Variants in CDYL2 observed in about 807,000 individuals in gnomAD.
The protein encoded by CDYL2 is chromodomain Y like 2, also known as chromodomain Y-like protein 2.
A neutral mutation model predicts 49.4 loss-of-function variants in CDYL2; 23 were observed. The observed-to-expected ratio is 0.47, with a 90% CI of 0.34 to 0.66. CDYL2 has a LOEUF of 0.66. Ranked by LOEUF, CDYL2 falls within the 30% of genes least tolerant of loss-of-function variation. The pLI, the probability that CDYL2 is intolerant of heterozygous loss-of-function variation, is 0.01. For synonymous variants in CDYL2, 360 were observed against 268.8 expected (o/e 1.34, Z -3.32); for missense variants, 678 against 656.4 (o/e 1.03, Z -0.36).
At chr16:80,744,193 A>G (rs369585598) in intron 1 of CDYL2, among the ~76,000 whole-genome samples, 4 of 152,362 alleles carry the variant, frequency 2.6e-5, no homozygotes, top group African/African-American at 9.6e-5. Flanking sequence ...TTCTAAGTCC[A>G]GAGACGCAGA....
At chr16:80,769,393 C>T (rs930109284) in intron 1 of CDYL2, among the ~76,000 whole-genome samples, 1 of 152,230 alleles carries the variant, frequency 6.6e-6, no homozygotes, top group Non-Finnish European at 1.5e-5. Context: ...TAAAGCTTAA[C>T]AAGCATTGTC....
intron 1 of CDYL2, among the ~76,000 whole-genome samples, chr16:80,695,740 A>T (rs1157195431): frequency 2.0e-5 from 3 of 152,218 alleles, no homozygotes; most frequent in African/African-American, 4.8e-5. Context: ...ACACAGGAGC[A>T]CCCAGATACA....
intron 2 of CDYL2, among the ~76,000 whole-genome samples, chr16:80,660,257 A>T (rs774628124): frequency 2.6e-5 from 4 of 152,048 alleles, no homozygotes; most frequent in Non-Finnish European, 5.9e-5. Context: ...ATTTTAGTAA[A>T]TGTAATTACT....
chr16:80,623,729 T>C (rs1329011167), intron 3 of CDYL2, among the ~76,000 whole-genome samples: 1 of 152,190 alleles, frequency 6.6e-6, no homozygotes. Flanking sequence ...ACAGTCACTG[T>C]GAGAAGTTTG....
At chr16:80,652,084 T>C (rs138309785) in intron 2 of CDYL2, among the ~76,000 whole-genome samples, 362 of 152,322 alleles carry the variant, frequency 2.4e-3, no homozygotes, top group African/African-American at 4.6e-3. Flanking sequence ...CCCATGTGTA[T>C]TGCCATGCTC....
At chr16:80,782,341 A>C (rs944105955) in intron 1 of CDYL2, among the ~76,000 whole-genome samples, 1 of 151,952 alleles carries the variant, frequency 6.6e-6, no homozygotes, top group African/African-American at 2.4e-5. Context: ...AGATTGAATC[A>C]GTAATCAAAA....
intron 5 of CDYL2, among the ~76,000 whole-genome samples, chr16:80,610,188 G>C (rs962280220): frequency 1.3e-5 from 2 of 152,202 alleles, no homozygotes; most frequent in Admixed American, 1.3e-4. Flanking sequence ...CAGGACTTGA[G>C]AGATGAGAAG....
intron 1 of CDYL2, among the ~76,000 whole-genome samples, chr16:80,758,523 C>G (rs1369770156): frequency 6.8e-6 from 1 of 147,754 alleles, no homozygotes; most frequent in African/African-American, 2.5e-5. Context: ...CACATAAATA[C>G]AGAAGTTTGC....
intron 1 of CDYL2, among the ~76,000 whole-genome samples, chr16:80,749,894 T>C (rs62048562): frequency 0.13 from 19,459 of 152,198 alleles, 1,564 homozygotes; most frequent in South Asian, 0.24. Context: ...CACCATGGAA[T>C]ACTATGCAAC....
In CDYL2 at chr16:80,665,505, TAAAA is replaced by T. The variant is rs35248259; in HGVS notation, c.616+19029_616+19032del. On this transcript the variant is annotated intron_variant, in intron 2 of 6. Coordinates refer to ENST00000570137, the MANE Select transcript of CDYL2 (RefSeq NM_152342.4). Reference sequence around the variant, plus strand: ...AAAAAGTAATTGAGGTTTTTGCCATTAAAAAAAAAAAAAAAAAAAAATAGCAAAA... The same window carrying T: ...AAAAAGTAATTGAGGTTTTTGCCATTAAAAAAAAAAAAAAAAATAGCAAAA... 4.0e-3 allele frequency among the ~76,000 whole-genome samples: 485 copies of T among 121,636 alleles called. 5 individuals are homozygous for T. The highest frequency in any genetic ancestry group is 0.013 in the Middle Eastern group (3 of 226). The allele number at this position is 121,636 out of a possible 152,430, so 79.8% of individuals were successfully genotyped here.
chr16:80,724,385 C>A lies in CDYL2; in HGVS notation c.25-39256G>T, dbSNP rs562141120. ...CCTAGAGAAATTATTTCTGTCTTAG[C>A]ATTGCTATCAGGTGGCTCTTTTTTC... On this transcript the variant is annotated intron_variant, in intron 1 of 6. Transcript: ENST00000570137. Among the ~76,000 whole-genome samples the A allele has an allele frequency of 5.6e-3, 853 of 152,258 alleles. 5 individuals carry two copies. The highest frequency in any genetic ancestry group is 0.019 in the African/African-American group (795 of 41,548).
At chr16:80,619,496 G>A (rs890454375) in intron 4 of CDYL2, among the ~76,000 whole-genome samples, 5 of 152,158 alleles carry the variant, frequency 3.3e-5, no homozygotes, top group Non-Finnish European at 5.9e-5. Context: ...GACGCTCCAC[G>A]GGTCACAAAA....
intron 3 of CDYL2, among the ~76,000 whole-genome samples, chr16:80,624,485 A>G (rs538596748): frequency 6.6e-6 from 1 of 152,324 alleles, no homozygotes; most frequent in Admixed American, 6.5e-5. Flanking sequence ...TCTGATGGAA[A>G]TGAATGTAAA....
At chr16:80,631,497 T>C (rs1175304177) in intron 3 of CDYL2, among the ~76,000 whole-genome samples, 1 of 152,248 alleles carries the variant, frequency 6.6e-6, no homozygotes, top group Non-Finnish European at 1.5e-5. Context: ...TTTATTCATC[T>C]AAGACATAAG....
At chr16:80,759,446 G>C (rs80334656) in intron 1 of CDYL2, among the ~76,000 whole-genome samples, 2,979 of 152,062 alleles carry the variant, frequency 0.02, 70 homozygotes, top group African/African-American at 0.055. Flanking sequence ...AATGTGTATT[G>C]TCAGGAAACA....
At chr16:80,726,643 A>G (rs755757652) in intron 1 of CDYL2, among the ~76,000 whole-genome samples, 48 of 151,992 alleles carry the variant, frequency 3.2e-4, no homozygotes, top group Middle Eastern at 3.4e-3. Context: ...CTTGGTTCTA[A>G]TATCATTCTC....
intron 2 of CDYL2, among the ~76,000 whole-genome samples, chr16:80,667,845 T>C (rs1161006074): frequency 6.6e-6 from 1 of 152,188 alleles, no homozygotes; most frequent in Non-Finnish European, 1.5e-5. Flanking sequence ...GAGGTATGAA[T>C]ATCTGCATCT....
At chr16:80,746,268 A>G (rs1905927399) in intron 1 of CDYL2, among the ~76,000 whole-genome samples, 1 of 152,194 alleles carries the variant, frequency 6.6e-6, no homozygotes. Flanking sequence ...TGAGAACATA[A>G]TAAATTGATA....
At chr16:80,664,881 G>C (rs891134869) in intron 2 of CDYL2, among the ~76,000 whole-genome samples, 2 of 152,060 alleles carry the variant, frequency 1.3e-5, no homozygotes, top group African/African-American at 4.8e-5. Context: ...GGAACTGCCA[G>C]TGCTAGCAAG....
Sources: allele counts gnomAD v4.1 joint callset (sites outside exome capture counted in the v4.1 genomes callset), GRCh38; gene constraint gnomAD v4.1.1; transcripts MANE v1.5; gene names NCBI Gene and HGNC (gene_info 2026-07-23, HGNC 2026-07-21).